Variants in ADK observed in about 807,000 individuals in gnomAD.
ADK encodes the protein N6,N6-dimethyladenosine kinase.
ADK carries 24 observed loss-of-function variants against 44.7 expected under a neutral mutation model. The observed-to-expected ratio is 0.54, with a 90% CI of 0.39 to 0.76. The LOEUF (loss-of-function observed/expected upper bound fraction) is 0.76, where lower values mean the gene tolerates loss of function less well. ADK is among the 30% of genes least tolerant of loss of function. The pLI, the probability that ADK is intolerant of heterozygous loss-of-function variation, is 0.00. For missense variants in ADK, 321 were observed against 425.1 expected, an observed-to-expected ratio of 0.76 and a Z score of 2.15; for synonymous variants, 128 against 142.6, an observed-to-expected ratio of 0.90 and a Z score of 0.73.
intron 1 of ADK, among the ~76,000 whole-genome samples, chr10:74,184,026 C>G (rs1842658602): frequency 6.6e-6 from 1 of 151,702 alleles, no homozygotes; most frequent in South Asian, 2.1e-4. Flanking sequence ...AAGCAATTCT[C>G]CCTGCCTCAG....
intron 3 of ADK, among the ~76,000 whole-genome samples, chr10:74,238,592 G>A (rs2132291677): frequency 6.6e-6 from 1 of 152,270 alleles, no homozygotes; most frequent in South Asian, 2.1e-4. Flanking sequence ...ATAAAAATGT[G>A]TAAAATTGAG....
At chr10:74,586,934 T>C (rs1212663473) in intron 7 of ADK, among the ~76,000 whole-genome samples, 1 of 151,710 alleles carries the variant, frequency 6.6e-6, no homozygotes, top group Non-Finnish European at 1.5e-5. Context: ...TACACACACA[T>C]AAATTTTTTA....
At position 74,580,575 on chromosome 10, in the gene ADK, A is replaced by T. The variant is rs1273799425; in HGVS notation, c.727-8707A>T. ...GGGCAACAAGAGCAAAACTCCATCT[A>T]AAAAAAAAAAAAAAAGGAGTTACCC... On this transcript the variant is annotated intron_variant, in intron 7 of 10. Coordinates refer to ENST00000539909, the MANE Select transcript of ADK (RefSeq NM_006721.4). Among the ~76,000 whole-genome samples, 9 of 76,324 alleles carry T rather than the reference A, an allele frequency of 1.2e-4. No homozygotes were observed. The East Asian group carries it at 0.013, about 107-fold the overall frequency. The allele number at this position is 76,324 out of a possible 152,430, so 50.1% of individuals were successfully genotyped here. A position where few individuals can be genotyped will look rare whatever the true frequency, so the allele number is the denominator to read the frequency against.
chr10:74,350,005 C>G (rs1355240506), intron 4 of ADK, among the ~76,000 whole-genome samples: 1 of 152,100 alleles, frequency 6.6e-6, no homozygotes. Context: ...ATCAATGAGA[C>G]AGAAAATTAA....
intron 2 of ADK, among the ~76,000 whole-genome samples, chr10:74,206,610 A>G (rs1040760928): frequency 1.3e-5 from 2 of 152,232 alleles, no homozygotes; most frequent in Non-Finnish European, 2.9e-5. Context: ...CCCAATTTAT[A>G]TGATTAGCTT....
chr10:74,638,137 GAT>G (rs1225947138), intron 9 of ADK, among the ~76,000 whole-genome samples: 1 of 152,132 alleles, frequency 6.6e-6, no homozygotes, highest in Non-Finnish European at 1.5e-5. Context: ...TGAGTGTCTT[GAT>G]ATTTAGAGTC....
chr10:74,387,367 C>G (rs1469974668), intron 4 of ADK, among the ~76,000 whole-genome samples: 1 of 152,148 alleles, frequency 6.6e-6, no homozygotes, highest in Admixed American at 6.5e-5. Flanking sequence ...GGTTACCAGT[C>G]TGATTCCAAG....
At chr10:74,345,393 TG>T (rs1453727879) in intron 4 of ADK, among the ~76,000 whole-genome samples, 1 of 151,992 alleles carries the variant, frequency 6.6e-6, no homozygotes, top group Admixed American at 6.6e-5. Flanking sequence ...CTGGAACCTC[TG>T]ATTCCCAGGT....
chr10:74,600,834 T>C (rs1852096211), intron 9 of ADK, among the ~76,000 whole-genome samples: 1 of 152,020 alleles, frequency 6.6e-6, no homozygotes, highest in East Asian at 1.9e-4. Context: ...ATTTACTCAA[T>C]TATGAACAAA....
intron 7 of ADK, among the ~76,000 whole-genome samples, chr10:74,581,254 A>G (rs1221614019): frequency 2.6e-5 from 4 of 152,102 alleles, no homozygotes; most frequent in South Asian, 4.1e-4. Context: ...TGGGAAATGT[A>G]AAAAAAGACC....
chr10:74,385,910 G>A (rs1242997595), intron 4 of ADK, among the ~76,000 whole-genome samples: 1 of 152,160 alleles, frequency 6.6e-6, no homozygotes. Flanking sequence ...CTATTTCAGG[G>A]AAAGAACAGG....
intron 3 of ADK, among the ~76,000 whole-genome samples, chr10:74,247,299 T>G (rs919037193): frequency 2.2e-5 from 3 of 134,086 alleles, no homozygotes; most frequent in Non-Finnish European, 3.1e-5. Context: ...AGTGCAGTGG[T>G]GCAGTCATGG....
At chr10:74,448,590 ATGTTCTCTTTTTCCT>A (rs1266836114) in intron 6 of ADK, among the ~76,000 whole-genome samples, 1 of 152,122 alleles carries the variant, frequency 6.6e-6, no homozygotes, top group Non-Finnish European at 1.5e-5. Context: ...ACATTAAGCC[ATGTTCTCTTTTTCCT>A]TTATGACACT....
At chr10:74,533,113 G>A (rs538565620) in intron 7 of ADK, among the ~76,000 whole-genome samples, 13 of 152,248 alleles carry the variant, frequency 8.5e-5, no homozygotes, top group African/African-American at 3.1e-4. Flanking sequence ...GACCAAAGAT[G>A]TATACACTGA....
intron 9 of ADK, chr10:74,656,240 T>G (rs1854485190): frequency 5.4e-6 from 1 of 185,196 alleles, no homozygotes; most frequent in African/African-American, 2.4e-5. Context: ...ACTCCAGCCT[T>G]TGGCAGCCAT....
At chr10:74,560,042 G>A (rs1236135044) in intron 7 of ADK, among the ~76,000 whole-genome samples, 1 of 151,916 alleles carries the variant, frequency 6.6e-6, no homozygotes, top group East Asian at 1.9e-4. Context: ...ACAGGCTCCT[G>A]AGTAGCTGGG....
intron 7 of ADK, among the ~76,000 whole-genome samples, chr10:74,560,196 G>C (rs952537373): frequency 2.0e-5 from 3 of 152,190 alleles, no homozygotes; most frequent in Non-Finnish European, 4.4e-5. Flanking sequence ...TGGGATTGCA[G>C]GCATGAGCCA....
intron 6 of ADK, among the ~76,000 whole-genome samples, chr10:74,463,622 A>C (rs1219728454): frequency 6.6e-6 from 1 of 152,186 alleles, no homozygotes; most frequent in Admixed American, 6.5e-5. Flanking sequence ...CCCAGTTCCT[A>C]ACAGGCCATG....
At chr10:74,265,773 A>G (rs1375853603) in intron 3 of ADK, among the ~76,000 whole-genome samples, 2 of 152,204 alleles carry the variant, frequency 1.3e-5, no homozygotes, top group African/African-American at 2.4e-5. Context: ...TAGTTTGGCC[A>G]TTGTATGAAA....
Sources: allele counts gnomAD v4.1 joint callset (sites outside exome capture counted in the v4.1 genomes callset), GRCh38; gene constraint gnomAD v4.1.1; transcripts MANE v1.5; gene names NCBI Gene and HGNC (gene_info 2026-07-23, HGNC 2026-07-21).